Variants in ABHD2 observed in about 807,000 individuals in gnomAD.
ABHD2 encodes monoacylglycerol lipase ABHD2.
A neutral mutation model predicts 48.1 loss-of-function variants in ABHD2; 20 were observed. That is an observed-to-expected ratio of 0.42 (90% CI 0.29 to 0.60). The LOEUF is 0.60. ABHD2 is among the 20% of genes least tolerant of loss of function. The probability of loss-of-function intolerance (pLI) is 0.24; values close to 1 mark genes in which losing one functional copy is unlikely to be tolerated. For synonymous variants in ABHD2, 209 were observed against 214.2 expected, an observed-to-expected ratio of 0.98 and a Z score of 0.21; for missense variants, 405 against 550.9, an observed-to-expected ratio of 0.74 and a Z score of 2.65.
intron 1 of ABHD2, among the ~76,000 whole-genome samples, chr15:89,105,188 TG>T (rs2049765079): frequency 6.6e-6 from 1 of 152,262 alleles, no homozygotes; most frequent in Non-Finnish European, 1.5e-5. Flanking sequence ...CAGGGTTATT[TG>T]CTAGTGGAAG....
In ABHD2 at chr15:89,188,896, AAAG is replaced by A. The variant is rs1399812497; in HGVS notation, c.926+597_926+599del. ...CCTTCTCAAAATTAAAAAAAAAAAA[AAAG>A]AAGTAGAAAAACAGAAGATAGACCA... On this transcript the variant is annotated intron_variant, in intron 8 of 10. Coordinates refer to ENST00000352732, the MANE Select transcript of ABHD2 (RefSeq NM_152924.5). The surrounding 1 kb of genome is among the most constrained non-coding windows in gnomAD (Gnocchi z 4.1). Among the ~76,000 whole-genome samples the A allele has an allele frequency of 1.3e-5, 2 of 151,740 alleles. No homozygotes were observed. The highest frequency in any genetic ancestry group is 6.6e-5 in the Admixed American group (1 of 15,228).
At chr15:89,131,152 C>T (rs11858720) in intron 3 of ABHD2, among the ~76,000 whole-genome samples, 5,239 of 152,264 alleles carry the variant, frequency 0.034, 125 homozygotes, top group African/African-American at 0.071. Flanking sequence ...ATGCCATGCC[C>T]CTGCTTTAAA....
chr15:89,079,993 G>A, the ABHD2 span, among the ~76,000 whole-genome samples: 453 of 152,298 alleles, frequency 3.0e-3, 4 homozygotes, highest in African/African-American at 0.01. This position sits in a 1 kb window ranked among gnomAD's most constrained non-coding sequence, Gnocchi z 4.3. Flanking sequence ...CGTAAACCTA[G>A]CCCCCAATCA....
intron 3 of ABHD2, among the ~76,000 whole-genome samples, chr15:89,126,581 C>G (rs534324628): frequency 6.6e-6 from 1 of 152,318 alleles, no homozygotes; most frequent in Non-Finnish European, 1.5e-5. Context: ...GCATGCCCTC[C>G]TTCACTATGA....
intron 1 of ABHD2, among the ~76,000 whole-genome samples, chr15:89,110,355 C>T (rs774555170): frequency 7.2e-5 from 11 of 152,206 alleles, no homozygotes; most frequent in Non-Finnish European, 1.2e-4. Flanking sequence ...GTCCCCTGCA[C>T]CCGGCCTTAT....
At position 89,146,371 on chromosome 15, in the gene ABHD2, TGTGTG is replaced by T. The variant is rs2050491697; in HGVS notation, c.195-5305_195-5301del. Among the ~76,000 whole-genome samples, 1 of 144,528 alleles carries T rather than the reference TGTGTG, an allele frequency of 6.9e-6. No individual in the cohort carries two copies. 94.8% of individuals were successfully genotyped at this position (144,528 alleles called of 152,430 possible). A position where few individuals can be genotyped will look rare whatever the true frequency, so the allele number is the denominator to read the frequency against. The stretch of plus-strand genomic sequence containing the variant: ...AAAGACGTACGTGTGTGTGTGTGTG[TGTGTG>T]TGTGTGTGTGTGTGTGTGTGTGTAC... On this transcript the variant is annotated intron_variant, in intron 3 of 10. Transcript: ENST00000352732. This position sits in a 1 kb window ranked among gnomAD's most constrained non-coding sequence, Gnocchi z 4.2.
intron 3 of ABHD2, among the ~76,000 whole-genome samples, chr15:89,130,677 A>C (rs1336599704): frequency 1.3e-5 from 2 of 152,224 alleles, no homozygotes; most frequent in Admixed American, 6.5e-5. Context: ...CACAGACTGC[A>C]TGTGGCCTGG....
chr15:89,115,312 G>GATTTTTGT (rs1425518573), intron 2 of ABHD2, among the ~76,000 whole-genome samples: 1 of 150,866 alleles, frequency 6.6e-6, no homozygotes, highest in Non-Finnish European at 1.5e-5. Flanking sequence ...GAAAATACTG[G>GATTTTTGT]ATTTTTGTTG....
At chr15:89,144,343 G>A (rs907211557) in intron 3 of ABHD2, among the ~76,000 whole-genome samples, 1 of 152,152 alleles carries the variant, frequency 6.6e-6, no homozygotes, top group African/African-American at 2.4e-5. Flanking sequence ...ATGTTGACCA[G>A]GCTGGTCTCA....
intron 3 of ABHD2, chr15:89,135,823 T>A: frequency 1.3e-6 from 1 of 766,384 alleles, no homozygotes; most frequent in Non-Finnish European, 2.4e-6. Context: ...GGCCAGATGT[T>A]CTCCTTTGAT....
chr15:89,067,954 G>A, the ABHD2 span, among the ~76,000 whole-genome samples: 2 of 152,108 alleles, frequency 1.3e-5, no homozygotes, highest in African/African-American at 2.4e-5. Context: ...GAAAGAAACG[G>A]TCTAGTGGGA....
At chr15:89,135,646 A>G (rs2050296957) in intron 3 of ABHD2, 3 of 1,556,898 alleles carry the variant, frequency 1.9e-6, no homozygotes, top group South Asian at 1.1e-5. Context: ...AGCCTTGACA[A>G]CTCCCTTTTT....
At position 89,175,259 on chromosome 15, in the gene ABHD2, CTG is replaced by C. The variant is rs2150927220; in HGVS notation, c.539-551_539-550del. Reference sequence around the variant, plus strand: ...TATTTTTTTGAGACAGGGTCTCACTCTGTCACCCAGGCTGGAGTGCAGTGATG... The same window carrying C: ...TATTTTTTTGAGACAGGGTCTCACTCTCACCCAGGCTGGAGTGCAGTGATG... On this transcript the variant is annotated intron_variant, in intron 5 of 10. Coordinates refer to ENST00000352732, the MANE Select transcript of ABHD2 (RefSeq NM_152924.5). This position sits in a 1 kb window ranked among gnomAD's most constrained non-coding sequence, Gnocchi z 5.7. Among the ~76,000 whole-genome samples, 1 of 152,318 alleles carries C rather than the reference CTG, an allele frequency of 6.6e-6. No individual in the cohort carries two copies. The highest frequency in any genetic ancestry group is 1.9e-4 in the East Asian group (1 of 5,190).
chr15:89,048,908 A>ATTCTCTGTCCAGC, the ABHD2 span, among the ~76,000 whole-genome samples: 6 of 122,358 alleles, frequency 4.9e-5, no homozygotes, highest in South Asian at 6.9e-4. Context: ...CGTCAAAGTC[A>ATTCTCTGTCCAGC]TTTGTTCCGT....
intron 5 of ABHD2, among the ~76,000 whole-genome samples, chr15:89,172,881 C>T (rs2050952588): frequency 6.6e-6 from 1 of 152,154 alleles, no homozygotes; most frequent in Admixed American, 6.5e-5. Flanking sequence ...TCATCCTATT[C>T]CTGTAGGTTC....
At chr15:89,153,114 C>T (rs1230062717) in intron 4 of ABHD2, among the ~76,000 whole-genome samples, 1 of 152,176 alleles carries the variant, frequency 6.6e-6, no homozygotes, top group Non-Finnish European at 1.5e-5. Flanking sequence ...TCCTCCTTGT[C>T]ATTCAGGTCT....
rs953441327 is a variant in ABHD2, at chr15:89,199,159, G to A, written c.*3736G>A. On this transcript the variant is annotated 3_prime_UTR_variant, in exon 11 of 11. Coordinates refer to ENST00000352732, the MANE Select transcript of ABHD2 (RefSeq NM_152924.5). This position sits in a 1 kb window ranked among gnomAD's most constrained non-coding sequence, Gnocchi z 4.1. The stretch of plus-strand genomic sequence containing the variant: ...CTGAATGAGAGCTCTCTTTGTAACT[G>A]TGTGACTTGAGATCTAGTTTGCCAG... 4 of 151,796 alleles carry A rather than the reference G, an allele frequency of 2.6e-5. No individual in the cohort carries two copies. Among genetic ancestry groups the A allele is most frequent in the Non-Finnish European group, 5.9e-5 (4 of 67,982 alleles). 9.4% of individuals were successfully genotyped at this position (151,796 alleles called of 1,614,324 possible). A position where few individuals can be genotyped will look rare whatever the true frequency, so the allele number is the denominator to read the frequency against.
the ABHD2 span, among the ~76,000 whole-genome samples, chr15:89,053,412 A>T: frequency 6.6e-6 from 1 of 152,164 alleles, no homozygotes; most frequent in Non-Finnish European, 1.5e-5. Context: ...GCATAATCTC[A>T]CCACCCTAGT....
rs957569878 is a variant in ABHD2 at position 89,116,714 on chromosome 15, G to A, written c.194+193G>A. ...GAGGGTAGGAGAGAATCAGATCTCT[G>A]TTGCCTGAAACATTCCTTCCTCTAC... On this transcript the variant is annotated intron_variant, in intron 3 of 10. Coordinates refer to ENST00000352732, the MANE Select transcript of ABHD2 (RefSeq NM_152924.5). This position sits in a 1 kb window ranked among gnomAD's most constrained non-coding sequence, Gnocchi z 4.6. Among the ~76,000 whole-genome samples, 2 of 152,192 alleles carry A rather than the reference G, an allele frequency of 1.3e-5. No homozygotes were observed. Among genetic ancestry groups the A allele is most frequent in the Non-Finnish European group, 2.9e-5 (2 of 68,024 alleles).
Sources: allele counts gnomAD v4.1 joint callset (sites outside exome capture counted in the v4.1 genomes callset), GRCh38; gene constraint gnomAD v4.1.1; non-coding constraint Gnocchi (gnomAD v3.1); transcripts MANE v1.5; gene names NCBI Gene and HGNC (gene_info 2026-07-23, HGNC 2026-07-21).